POT1: variants seen among roughly 807,000 people sequenced by gnomAD.
POT1 encodes protection of telomeres protein 1.
POT1 carries 47 observed loss-of-function variants against 78.5 expected under a neutral mutation model. The ratio of observed to expected loss-of-function variants is 0.60; its 90% CI spans 0.47 to 0.76. POT1 has a LOEUF of 0.76. Ranked by LOEUF, POT1 falls within the 30% of genes least tolerant of loss-of-function variation. The pLI is 0.00. For missense variants in POT1, 646 were observed against 749.9 expected, an observed-to-expected ratio of 0.86 and a Z score of 1.62; for synonymous variants, 259 against 260.7, an observed-to-expected ratio of 0.99 and a Z score of 0.06.
chr7:124,921,276 A>C (rs560450934), intron 2 of POT1, among the ~76,000 whole-genome samples: 3 of 152,160 alleles, frequency 2.0e-5, no homozygotes, highest in Admixed American at 2.0e-4. Flanking sequence ...AGTATTAATG[A>C]TATGTCAAAA....
chr7:124,841,271 C>T, intron 13 of POT1, 93 bp from the exon 14 acceptor site: 1 of 975,418 alleles, frequency 1.0e-6, no homozygotes, highest in Admixed American at 2.2e-5. Context: ...AAGTATCATT[C>T]TTACATGTAG....
At position 124,874,831 on chromosome 7, in the gene POT1, G is replaced by C. The variant is rs146302193; in HGVS notation, c.125-3790C>G. On this transcript the variant is annotated intron_variant, in intron 6 of 18. Transcript: ENST00000357628. ...AAAAAAGGAGAGAGAGAGTAAAGGGGAGAAAGAAGGGAGGAAAGGGAGAGA... is the reference window on the plus strand; with the variant it reads ...AAAAAAGGAGAGAGAGAGTAAAGGGCAGAAAGAAGGGAGGAAAGGGAGAGA... Among the ~76,000 whole-genome samples the C allele has an allele frequency of 5.5e-4, 83 of 151,560 alleles. 1 individual carries two copies. The East Asian group carries it at 0.015, about 28-fold the overall frequency.
chr7:124,849,975 CAG>C (rs1325795909), intron 11 of POT1, among the ~76,000 whole-genome samples: 1 of 152,012 alleles, frequency 6.6e-6, no homozygotes, highest in Admixed American at 6.6e-5. Context: ...AATCTTACCT[CAG>C]GGAGTAGGGA....
chr7:124,922,932 T>C (rs951858450), intron 2 of POT1, among the ~76,000 whole-genome samples: 2 of 151,756 alleles, frequency 1.3e-5, no homozygotes, highest in African/African-American at 4.8e-5. Context: ...ATACACTCAA[T>C]ATAAGGGCCA....
chr7:124,895,669 ATGTCTTAGAAT>A (rs955925528), intron 5 of POT1, among the ~76,000 whole-genome samples: 2 of 151,748 alleles, frequency 1.3e-5, no homozygotes, highest in Admixed American at 6.6e-5. Context: ...AAGCGGAGAG[ATGTCTTAGAAT>A]TGTCTTAGAA....
chr7:124,914,768 T>C (rs931502387), intron 3 of POT1, among the ~76,000 whole-genome samples: 1 of 152,208 alleles, frequency 6.6e-6, no homozygotes, highest in Non-Finnish European at 1.5e-5. Flanking sequence ...ACATGGGTTA[T>C]ATGCAAATAT....
intron 1 of POT1, chr7:124,929,559 C>CT (rs1584538441): frequency 6.6e-6 from 1 of 152,208 alleles, no homozygotes; most frequent in African/African-American, 2.4e-5. Flanking sequence ...GCGCACCAAC[C>CT]TTCCCCCAAG....
chr7:124,856,073 T>C (rs1347793344), intron 9 of POT1, among the ~76,000 whole-genome samples: 3 of 152,142 alleles, frequency 2.0e-5, no homozygotes, highest in Admixed American at 6.6e-5. Flanking sequence ...TTGTAGATGT[T>C]GATTATATTA....
At chr7:124,872,332 T>C (rs1321741956) in intron 6 of POT1, among the ~76,000 whole-genome samples, 3 of 152,202 alleles carry the variant, frequency 2.0e-5, no homozygotes, top group Non-Finnish European at 4.4e-5. Context: ...TTGATATACA[T>C]AGTAGTACTC....
chr7:124,901,781 G>A (rs1301167713), intron 3 of POT1, among the ~76,000 whole-genome samples: 1 of 152,104 alleles, frequency 6.6e-6, no homozygotes, highest in Non-Finnish European at 1.5e-5. Flanking sequence ...TAAAAACCTT[G>A]AAAACAGATT....
intron 7 of POT1, among the ~76,000 whole-genome samples, chr7:124,864,432 T>A (rs1281225026): frequency 1.3e-5 from 2 of 152,184 alleles, no homozygotes; most frequent in Non-Finnish European, 2.9e-5. Flanking sequence ...GTTATTAACA[T>A]GGCCATATTT....
rs1474866585 is a variant in POT1 at position 124,898,276 on chromosome 7, GA to G, written c.-56del. On this transcript the variant is annotated 5_prime_UTR_variant, in exon 4 of 19. Coordinates refer to ENST00000357628, the MANE Select transcript of POT1 (RefSeq NM_015450.3). ...GCATACTTACATAAACAGTTGATTT[GA>G]GGTCTTCAAATGCTTTCAAAAATAT... 1.3e-5 allele frequency: 2 copies of G among 151,530 alleles called. No homozygotes were observed. Among genetic ancestry groups the G allele is most frequent in the Admixed American group, 6.6e-5 (1 of 15,184 alleles). The allele number at this position is 151,530 out of a possible 1,614,324, so 9.4% of individuals were successfully genotyped here.
intron 9 of POT1, among the ~76,000 whole-genome samples, chr7:124,854,230 T>C (rs1258004996): frequency 2.0e-5 from 3 of 152,024 alleles, no homozygotes; most frequent in Admixed American, 6.6e-5. Flanking sequence ...AAAACGAAAT[T>C]CATTTATGTT....
At chr7:124,825,162 T>C (rs1794598880) in intron 18 of POT1, 90 bp downstream of exon 18, 3 of 743,176 alleles carry the variant, frequency 4.0e-6, no homozygotes, top group Non-Finnish European at 6.4e-6. Context: ...GAAGCAAAGC[T>C]TTCAGACTTC....
intron 9 of POT1, among the ~76,000 whole-genome samples, chr7:124,855,218 C>CAAAAAAAAAAAA (rs550056711): frequency 1.5e-4 from 8 of 52,492 alleles, no homozygotes; most frequent in East Asian, 1.1e-3. Context: ...GAGAGGAGAG[C>CAAAAAAAAAAAA]AAAAAAAAAA....
rs1197625483 is a variant in POT1, at chr7:124,892,313, T to C, written c.77A>G (p.Tyr26Cys). The C allele has an allele frequency of 1.3e-6, 2 of 1,544,122 alleles. No individual in the cohort carries two copies. Among genetic ancestry groups the C allele is most frequent in the South Asian group, 1.3e-5 (1 of 79,908 alleles). Residue 26 changes from tyrosine (Y) to cysteine (C), a missense_variant, in exon 6 of 19, where the codon TAT becomes TGT. Coordinates refer to ENST00000357628, the MANE Select transcript of POT1 (RefSeq NM_015450.3). ...GGGCTTAAAGAACTTCACAACACCA[T>C]AGACATTGACAATTGTACCACCCTT... Reference protein sequence around the residue: ...QLKGGTIVNVYGVVKFFKPPY... With the variant: ...QLKGGTIVNVCGVVKFFKPPY...
At position 124,841,108 on chromosome 7, in the gene POT1, T is replaced by TGACATCTGGGGTTTTAGTTGC. The variant is rs1795017954; in HGVS notation, c.1213_1233dup (p.Ala405_Val411dup). The TGACATCTGGGGTTTTAGTTGC allele has an allele frequency of 1.2e-6, 2 of 1,612,960 alleles. No individual in the cohort carries two copies. Among genetic ancestry groups the TGACATCTGGGGTTTTAGTTGC allele is most frequent in the Non-Finnish European group, 1.7e-6 (2 of 1,179,242 alleles). On this transcript the variant is annotated inframe_insertion, in exon 14 of 19. Transcript: ENST00000357628. ...TCATATAATGATGTATTTTGTAGCTTGACATCTGGGGTTTTAGTTGCACCA... is the reference window on the plus strand; with the variant it reads ...TCATATAATGATGTATTTTGTAGCTTGACATCTGGGGTTTTAGTTGCGACATCTGGGGTTTTAGTTGCACCA...
At chr7:124,879,612 G>C (rs1313773387) in intron 6 of POT1, among the ~76,000 whole-genome samples, 1 of 152,100 alleles carries the variant, frequency 6.6e-6, no homozygotes, top group African/African-American at 2.4e-5. Flanking sequence ...AGAGCAGGGG[G>C]CTACCGTTAT....
chr7:124,910,407 A>C (rs1420622280), intron 3 of POT1, among the ~76,000 whole-genome samples: 1 of 151,978 alleles, frequency 6.6e-6, no homozygotes, highest in Non-Finnish European at 1.5e-5. Context: ...TTATCTTCAT[A>C]ATAAAAGTGC....
Sources: gnomAD v4.1 joint callset for allele counts (sites outside exome capture counted in the v4.1 genomes callset) on GRCh38, gnomAD v4.1.1 for gene constraint, MANE v1.5 for transcripts, NCBI Gene and HGNC (gene_info 2026-07-23, HGNC 2026-07-21) for gene names.